Variants in GINM1 observed in about 807,000 individuals in gnomAD.
GINM1 encodes glycoprotein integral membrane protein 1.
Under a neutral mutation model 37.8 loss-of-function variants are expected in GINM1, and 29 were observed. The observed-to-expected ratio is 0.77, with a 90% confidence interval of 0.57 to 1.05. The LOEUF is 1.05. GINM1 is among the 50% of genes least tolerant of loss of function. GINM1 has a pLI of 0.00. For missense variants in GINM1, 377 were observed against 397.9 expected (o/e 0.95, Z 0.45); for synonymous variants, 143 against 146.2 (o/e 0.98, Z 0.16).
At chr6:149,580,431 T>A (rs1449159877) in intron 5 of GINM1, among the ~76,000 whole-genome samples, 162 bp from the exon 6 acceptor site, 1 of 152,224 alleles carries the variant, frequency 6.6e-6, no homozygotes, top group Non-Finnish European at 1.5e-5. Context: ...AGTTTATAGT[T>A]CTCTTCTGAC....
chr6:149,572,342 C>T lies in GINM1; in HGVS notation c.178C>T (p.Gln60Ter), dbSNP rs776886244. ...LKDDGDISKQQVVLNITYESG... is the reference protein window; with the variant it reads ...LKDDGDISKQ Reference sequence around the variant, plus strand: ...AGATGATGGGGACATATCTAAACAGCAGGTTTGTCTCCTTTTCTGGTTTTA... The same window carrying T: ...AGATGATGGGGACATATCTAAACAGTAGGTTTGTCTCCTTTTCTGGTTTTA... Residue 60 changes from glutamine (Q) to a stop codon, truncating the protein, a stop_gained and splice_region_variant, in exon 2 of 8, where the codon CAG becomes TAG. Transcript: ENST00000367419. LOFTEE classifies it high-confidence loss of function. The T allele has an allele frequency of 4.4e-6, 7 of 1,585,120 alleles. No homozygotes were observed. The highest frequency in any genetic ancestry group is 6.0e-6 in the Non-Finnish European group (7 of 1,162,924).
chr6:149,583,664 C>A (rs1046564861), intron 7 of GINM1, among the ~76,000 whole-genome samples: 8 of 151,572 alleles, frequency 5.3e-5, no homozygotes, highest in Non-Finnish European at 1.2e-4. Context: ...AAATAAAAGC[C>A]CTCTTAACTG....
At chr6:149,570,184 AT>A (rs1217351333) in intron 1 of GINM1, among the ~76,000 whole-genome samples, 9 of 97,308 alleles carry the variant, frequency 9.2e-5, no homozygotes, top group South Asian at 6.5e-4. Flanking sequence ...ATATATATAT[AT>A]ATATATATAT....
intron 7 of GINM1, among the ~76,000 whole-genome samples, chr6:149,588,542 T>C (rs2115063947): frequency 6.6e-6 from 1 of 152,370 alleles, no homozygotes; most frequent in South Asian, 2.1e-4. Context: ...ATTCATGTTA[T>C]TCCTTTACAG....
rs1458543090 is a variant in GINM1 at position 149,572,366 on chromosome 6, T to C, written c.180+22T>C. The C allele has an allele frequency of 3.9e-6, 6 of 1,522,252 alleles. No individual in the cohort carries two copies. In the South Asian group the frequency reaches 7.1e-5, roughly 18 times the overall value. The allele number at this position is 1,522,252 out of a possible 1,614,324, so 94.3% of individuals were successfully genotyped here. On this transcript the variant is annotated intron_variant, in intron 2 of 7. Transcript: ENST00000367419. ...GCAGGTTTGTCTCCTTTTCTGGTTTTAATATATAATTTAGCTAAGTGCTAT... is the reference window on the plus strand; with the variant it reads ...GCAGGTTTGTCTCCTTTTCTGGTTTCAATATATAATTTAGCTAAGTGCTAT...
At chr6:149,568,063 C>G (rs1314802000) in intron 1 of GINM1, among the ~76,000 whole-genome samples, 1 of 152,204 alleles carries the variant, frequency 6.6e-6, no homozygotes, top group Admixed American at 6.5e-5. Flanking sequence ...TTTCAGTTCT[C>G]CCTTCTTGGG....
Position 149,566,639 on chromosome 6 carries a change from G to T in GINM1, c.120+105G>T. The T allele has an allele frequency of 2.2e-6, 3 of 1,348,346 alleles. No individual in the cohort carries two copies. Among genetic ancestry groups the T allele is most frequent in the Non-Finnish European group, 1.9e-6 (2 of 1,041,858 alleles). The allele number at this position is 1,348,346 out of a possible 1,614,324, so 83.5% of individuals were successfully genotyped here. On this transcript the variant is annotated intron_variant, in intron 1 of 7. Transcript: ENST00000367419. The surrounding 1 kb of genome is among the most constrained non-coding windows in gnomAD (Gnocchi z 4.4). ...CACATCCCACCGGCGGGCAGGGGCG[G>T]GGGTCCGGGCCCCCGAAGGAGGTGT...
intron 1 of GINM1, among the ~76,000 whole-genome samples, chr6:149,570,663 TA>T (rs1466766727): frequency 6.6e-6 from 1 of 152,192 alleles, no homozygotes; most frequent in East Asian, 1.9e-4. Flanking sequence ...AAATTATATA[TA>T]AAGTATTTAG....
rs557030904 is a variant in GINM1, at chr6:149,578,903, C to T, written c.359C>T (p.Pro120Leu). Residue 120 changes from proline to leucine, a missense_variant, in exon 4 of 8, where the codon CCT (proline) becomes CTT (leucine). By Grantham distance (98) the Pro-to-Leu change is moderately conservative. Transcript: ENST00000367419. ...VSVRILVHEW[P>L]MTSGSSLQLI... is the part of the protein sequence containing the mutation. ...GTAAGGATTTTAGTTCATGAGTGGC[C>T]TATGACATCTGGTTCCAGTTTGCAA... 2 of 1,603,398 alleles carry T rather than the reference C, an allele frequency of 1.2e-6. No individual in the cohort carries two copies. Among genetic ancestry groups the T allele is most frequent in the Non-Finnish European group, 1.7e-6 (2 of 1,171,150 alleles).
At chr6:149,581,707 G>T (rs2115060887) in intron 6 of GINM1, among the ~76,000 whole-genome samples, 1 of 152,304 alleles carries the variant, frequency 6.6e-6, no homozygotes, top group East Asian at 1.9e-4. Flanking sequence ...TGGGTTCAGA[G>T]AGTATCCCGA....
At chr6:149,570,607 G>T (rs1777804917) in intron 1 of GINM1, among the ~76,000 whole-genome samples, 1 of 152,046 alleles carries the variant, frequency 6.6e-6, no homozygotes, top group East Asian at 1.9e-4. Flanking sequence ...CCTGGAATCA[G>T]CTCGACCTCA....
chr6:149,575,243 C>G lies in GINM1; in HGVS notation c.277+2640C>G, dbSNP rs533217157. 2.0e-5 allele frequency among the ~76,000 whole-genome samples: 3 copies of G among 152,326 alleles called. No homozygotes were observed. In the East Asian group the frequency reaches 5.8e-4, roughly 29 times the overall value. On this transcript the variant is annotated intron_variant, in intron 3 of 7. Transcript: ENST00000367419. ...GCATTGTGCCCTGGTTGTCATTTTC[C>G]TTCGGCCTAAAGAATTCCCTTTGGT... is the stretch of plus-strand genomic sequence containing the variant.
In GINM1 at chr6:149,572,325, G is replaced by A; in HGVS notation, c.161G>A (p.Gly54Glu). ...AATGTAACTACACTGAAAGATGATG[G>A]GGACATATCTAAACAGCAGGTTTGT... is the stretch of plus-strand genomic sequence containing the variant. The part of the protein sequence containing the change: ...RINVTTLKDD[G>E]DISKQQVVLN... Residue 54 changes from glycine (G) to glutamate (E), a missense_variant, in exon 2 of 8, where the codon GGG becomes GAG. Physicochemically the swap from Gly to Glu is moderately conservative, Grantham distance 98. Transcript: ENST00000367419. The A allele has an allele frequency of 6.2e-7, 1 of 1,600,474 alleles. No homozygotes were observed. Among genetic ancestry groups the A allele is most frequent in the Middle Eastern group, 1.7e-4 (1 of 5,988 alleles).
intron 3 of GINM1, among the ~76,000 whole-genome samples, chr6:149,572,862 A>G (rs1346825701): frequency 6.6e-6 from 1 of 152,150 alleles, no homozygotes; most frequent in Non-Finnish European, 1.5e-5. Context: ...GGGTTTCGCC[A>G]TGTTGGCCAG....
intron 3 of GINM1, among the ~76,000 whole-genome samples, chr6:149,575,441 C>T (rs1777899689): frequency 1.3e-5 from 2 of 152,356 alleles, no homozygotes; most frequent in East Asian, 3.8e-4. Context: ...GTGAGACTGC[C>T]AGACACTTTG....
At chr6:149,580,093 G>C in intron 5 of GINM1, 103 bp downstream of exon 5, 1 of 754,738 alleles carries the variant, frequency 1.3e-6, no homozygotes, top group South Asian at 2.4e-5. Context: ...ATTTGCAAAA[G>C]TTGCTATTTA....
At chr6:149,575,399 A>T (rs539402914) in intron 3 of GINM1, among the ~76,000 whole-genome samples, 2 of 152,234 alleles carry the variant, frequency 1.3e-5, no homozygotes, top group Non-Finnish European at 2.9e-5. Context: ...TTTTGTTTTA[A>T]CATTTAAACA....
At chr6:149,567,093 G>T (rs1562268973) in intron 1 of GINM1, among the ~76,000 whole-genome samples, 1 of 152,198 alleles carries the variant, frequency 6.6e-6, no homozygotes, top group Non-Finnish European at 1.5e-5. Context: ...AGTTCTCACG[G>T]CGGGGCGCGA....
intron 1 of GINM1, among the ~76,000 whole-genome samples, chr6:149,568,554 A>C (rs1777757311): frequency 6.6e-6 from 1 of 152,220 alleles, no homozygotes; most frequent in Non-Finnish European, 1.5e-5. Context: ...TTAAATTTTT[A>C]TTTAATTTTA....
Sources: allele counts gnomAD v4.1 joint callset (sites outside exome capture counted in the v4.1 genomes callset), GRCh38; gene constraint gnomAD v4.1.1; non-coding constraint Gnocchi (gnomAD v3.1); transcripts MANE v1.5; gene names NCBI Gene and HGNC (gene_info 2026-07-23, HGNC 2026-07-21).